Variants in CHD1L observed in about 807,000 individuals in gnomAD.
CHD1L encodes chromodomain helicase DNA binding protein 1 like.
CHD1L carries 118 observed loss-of-function variants against 115.9 expected under a neutral mutation model. That is an observed-to-expected ratio of 1.02 (90% CI 0.88 to 1.19). The LOEUF is 1.19. Among genes scored for constraint, CHD1L ranks in the 50% most tolerant of loss-of-function variants. The pLI is 0.00. For missense variants in CHD1L, 1,179 were observed against 1,065.3 expected (o/e 1.11, Z -1.49); for synonymous variants, 411 against 387.1 (o/e 1.06, Z -0.72).
In CHD1L at chr1:147,264,486, A is replaced by G. The variant is rs1281579709; in HGVS notation, c.641A>G (p.Tyr214Cys). ...TPIQNSLQEL[Y>C]SLLSFVEPDL... The stretch of plus-strand genomic sequence containing the variant: ...ATCCAGAACAGCCTCCAAGAGCTCT[A>G]CTCCCTCCTCAGTTTTGTGGAGCCT... The change falls in exon 7 of 23, where the codon TAC becomes TGC. Residue 214 changes from tyrosine to cysteine, a missense_variant. Tyr to Cys is a radical substitution (Grantham distance 194, BLOSUM62 -2). Transcript: ENST00000369258. 30 of 1,613,474 alleles carry G rather than the reference A, an allele frequency of 1.9e-5. No homozygotes were observed. Among genetic ancestry groups the G allele is most frequent in the Non-Finnish European group, 2.5e-5 (30 of 1,179,858 alleles).
the CHD1L span, chr1:147,224,964 G>T: frequency 6.2e-7 from 1 of 1,613,904 alleles, no homozygotes; most frequent in Non-Finnish European, 8.5e-7. Context: ...CTTCTTCTAC[G>T]CAGCACTTGA....
chr1:147,286,607 G>A (rs1683232633), intron 18 of CHD1L, 107 bp downstream of exon 18: 4 of 958,732 alleles, frequency 4.2e-6, no homozygotes, highest in Admixed American at 4.5e-5. Context: ...GTGTAGTATT[G>A]TACAGTCAAA....
At position 147,295,646 on chromosome 1, in the gene CHD1L, T is replaced by A; in HGVS notation, c.*137T>A. ...TCTCTTTTCTGAGTTTCAGTTTGGT[T>A]CTCCTGGATGTTTTGCTCTGTTTTG... On this transcript the variant is annotated 3_prime_UTR_variant, in exon 23 of 23. Transcript: ENST00000369258. The A allele has an allele frequency of 1.5e-6, 1 of 659,366 alleles. No individual in the cohort carries two copies. Among genetic ancestry groups the A allele is most frequent in the Non-Finnish European group, 2.5e-6 (1 of 402,078 alleles). 40.8% of individuals were successfully genotyped at this position (659,366 alleles called of 1,614,324 possible).
At position 147,254,877 on chromosome 1, in the gene CHD1L, C is replaced by G; in HGVS notation, c.248C>G (p.Ala83Gly). 1 of 1,600,396 alleles carries G rather than the reference C, an allele frequency of 6.2e-7. No homozygotes were observed. Among genetic ancestry groups the G allele is most frequent in the South Asian group, 1.1e-5 (1 of 87,744 alleles). ...MGLGKTCQTI[A>G]LFIYLAGRLN... ...TCTTTTTCTGTGTTCCAGACTATTG[C>G]TCTCTTCATTTATTTGGCAGGAAGA... The change falls in exon 3 of 23, where the codon GCT becomes GGT. Residue 83 changes from alanine to glycine, a missense_variant. Transcript: ENST00000369258.
At chr1:147,227,152 A>C in the CHD1L span, among the ~76,000 whole-genome samples, 5 of 152,224 alleles carry the variant, frequency 3.3e-5, no homozygotes, top group Admixed American at 3.3e-4. Context: ...AAAGACTAAT[A>C]TCTTTCACAA....
chr1:147,183,274 T>C, the CHD1L span, among the ~76,000 whole-genome samples: 1 of 152,234 alleles, frequency 6.6e-6, no homozygotes, highest in Non-Finnish European at 1.5e-5. Flanking sequence ...CCTGCAGACA[T>C]TTCAAAATGT....
At chr1:147,186,340 A>G in the CHD1L span, 41 of 975,476 alleles carry the variant, frequency 4.2e-5, no homozygotes, top group Non-Finnish European at 4.9e-5. Context: ...TTTCAAGTAC[A>G]CTAGTGAATA....
At chr1:147,252,757 A>G in intron 2 of CHD1L, 22 bp downstream of exon 2, 1 of 1,548,706 alleles carries the variant, frequency 6.5e-7, no homozygotes, top group Non-Finnish European at 8.9e-7. Flanking sequence ...TGCGACGAGT[A>G]CTGCTCACCG....
chr1:147,275,387 C>T lies in CHD1L; in HGVS notation c.1304C>T (p.Thr435Ile). The change falls in exon 13 of 23, where the codon ACT (threonine) becomes ATT (isoleucine). Residue 435 changes from threonine (T) to isoleucine (I), a missense_variant. Thr to Ile is a moderately conservative substitution (Grantham distance 89). Coordinates refer to ENST00000369258, the MANE Select transcript of CHD1L (RefSeq NM_004284.6). ...GGCATGAACTTAACAGCAGCAGATACTGTGATTTTTGTTGACAGTGACTTT... is the reference window on the plus strand; with the variant it reads ...GGCATGAACTTAACAGCAGCAGATATTGTGATTTTTGTTGACAGTGACTTT... ...GVGMNLTAAD[T>I]VIFVDSDFNP... 6.2e-7 allele frequency: 1 copy of T among 1,614,100 alleles called. No individual in the cohort carries two copies. The highest frequency in any genetic ancestry group is 2.2e-5 in the East Asian group (1 of 44,878).
the CHD1L span, chr1:147,201,434 TC>T: frequency 6.2e-7 from 1 of 1,614,158 alleles, no homozygotes; most frequent in Non-Finnish European, 8.5e-7. Flanking sequence ...ACATTTCCTT[TC>T]ACTTTCACCA....
chr1:147,210,721 AGT>A, the CHD1L span: 1 of 152,184 alleles, frequency 6.6e-6, no homozygotes, highest in Non-Finnish European at 1.5e-5. Context: ...ATAATTAAGC[AGT>A]GTTTTTGTAA....
intron 9 of CHD1L, among the ~76,000 whole-genome samples, chr1:147,268,204 C>G (rs1180578713): frequency 1.3e-5 from 2 of 152,112 alleles, no homozygotes; most frequent in Admixed American, 6.5e-5. Flanking sequence ...TAGCTGCATC[C>G]TAGGAATTTT....
the CHD1L span, among the ~76,000 whole-genome samples, chr1:147,222,018 C>T: frequency 2.6e-5 from 4 of 152,180 alleles, no homozygotes; most frequent in East Asian, 5.8e-4. Context: ...AAACTCTATA[C>T]ACTGATTATA....
chr1:147,273,593 A>T (rs1553955047), intron 12 of CHD1L, among the ~76,000 whole-genome samples: 3 of 152,222 alleles, frequency 2.0e-5, no homozygotes, highest in Non-Finnish European at 4.4e-5. Context: ...AAACTGAAAG[A>T]ATCAGGCAGT....
At chr1:147,233,541 C>G in the CHD1L span, among the ~76,000 whole-genome samples, 1 of 151,818 alleles carries the variant, frequency 6.6e-6, no homozygotes, top group African/African-American at 2.4e-5. Context: ...CCCGGCCGCC[C>G]CTACTGGGAA....
intron 17 of CHD1L, 147 bp from the exon 18 acceptor site, chr1:147,286,151 A>G (rs1467617321): frequency 1.4e-6 from 1 of 731,224 alleles, no homozygotes; most frequent in African/African-American, 1.8e-5. Flanking sequence ...AGACTTGTTT[A>G]CAAATAAGTA....
the CHD1L span, among the ~76,000 whole-genome samples, chr1:147,209,292 G>A: frequency 5.9e-5 from 9 of 152,016 alleles, no homozygotes; most frequent in African/African-American, 2.2e-4. Context: ...CAAAAAATTA[G>A]CCAGGCGTGG....
chr1:147,292,719 CAA>C (rs1467224068), intron 20 of CHD1L, among the ~76,000 whole-genome samples: 1 of 152,154 alleles, frequency 6.6e-6, no homozygotes, highest in East Asian at 1.9e-4. Context: ...AGAGCAGGAA[CAA>C]GAGAGAGTGG....
At chr1:147,204,298 A>G in the CHD1L span, 2 of 966,194 alleles carry the variant, frequency 2.1e-6, no homozygotes, top group Non-Finnish European at 3.4e-6. Flanking sequence ...AGAGGAAGTG[A>G]TACCACAGCC....
Sources: gnomAD v4.1 joint callset for allele counts (sites outside exome capture counted in the v4.1 genomes callset) on GRCh38, gnomAD v4.1.1 for gene constraint, MANE v1.5 for transcripts, NCBI Gene and HGNC (gene_info 2026-07-23, HGNC 2026-07-21) for gene names.